Variants in ANKRD46 observed in about 807,000 individuals in gnomAD.
ANKRD46 encodes ankyrin repeat domain 46, also known as ankyrin repeat domain-containing protein 46.
ANKRD46 carries 13 observed loss-of-function variants against 19.8 expected under a neutral mutation model. The ratio of observed to expected loss-of-function variants is 0.66; its 90% CI spans 0.43 to 1.04. ANKRD46 has a LOEUF of 1.04. Among genes scored for constraint, ANKRD46 ranks in the 50% least tolerant of loss-of-function variants. The pLI, the probability that ANKRD46 is intolerant of heterozygous loss-of-function variation, is 0.00. For synonymous variants in ANKRD46, 91 were observed against 106.9 expected (o/e 0.85, Z 0.92); for missense variants, 185 against 274.8 (o/e 0.67, Z 2.31).
Position 100,557,862 on chromosome 8 carries a change from C to T in ANKRD46, c.-131+1849G>A, listed in dbSNP as rs1252783436. Among the ~76,000 whole-genome samples the T allele has an allele frequency of 6.6e-6, 1 of 152,198 alleles. No homozygotes were observed. Among genetic ancestry groups the T allele is most frequent in the Non-Finnish European group, 1.5e-5 (1 of 68,040 alleles). On this transcript the variant is annotated intron_variant, in intron 1 of 4. Coordinates refer to ENST00000335659, the MANE Select transcript of ANKRD46 (RefSeq NM_001270377.2). The surrounding 1 kb of genome is among the most constrained non-coding windows in gnomAD (Gnocchi z 5.9). ...TATTTTAAAACTGCACCTGTTCCTT[C>T]CTTGGTGCTTCCTATCCCCCTTTGC...
rs1050834630 is a variant in ANKRD46, at chr8:100,545,944, G to A, written c.-130-12633C>T. ...CTTTGAACTTGAGAGAGATGATTTAGGGTATCTGGCAGAAGAAATTTCTAA... is the reference window on the plus strand; with the variant it reads ...CTTTGAACTTGAGAGAGATGATTTAAGGTATCTGGCAGAAGAAATTTCTAA... On this transcript the variant is annotated intron_variant, in intron 1 of 4. Transcript: ENST00000335659. The surrounding 1 kb of genome is among the most constrained non-coding windows in gnomAD (Gnocchi z 4.7). Among the ~76,000 whole-genome samples the A allele has an allele frequency of 2.0e-5, 3 of 152,188 alleles. No homozygotes were observed. The highest frequency in any genetic ancestry group is 4.4e-5 in the Non-Finnish European group (3 of 68,036).
chr8:100,514,621 T>TTTTTTG (rs1554688099), intron 5 of ANKRD46, among the ~76,000 whole-genome samples: 2 of 120,072 alleles, frequency 1.7e-5, no homozygotes, highest in African/African-American at 7.1e-5. Flanking sequence ...CATCTTCTTT[T>TTTTTTG]TTTTTTTTTT....
At chr8:100,517,468 TAAGCTTTTAATGAGTGTTGGGTAGC>T (rs1811652444), downstream of ANKRD46, among the ~76,000 whole-genome samples, 1 of 152,240 alleles carries the variant, frequency 6.6e-6, no homozygotes, top group South Asian at 2.1e-4. Context: ...TGTTATCAGC[TAAGCTTTTAATGAGTGTTGGGTAGC>T]AAGGAACTCC....
Position 100,532,642 on chromosome 8 carries a change from T to C in ANKRD46, c.-28+567A>G, listed in dbSNP as rs909472077. Among the ~76,000 whole-genome samples, 3 of 152,184 alleles carry C rather than the reference T, an allele frequency of 2.0e-5. No individual in the cohort carries two copies. The highest frequency in any genetic ancestry group is 1.3e-4 in the Admixed American group (2 of 15,276). ...CTGGGTCACAATGGAAGAAGAATTG[T>C]CTTGGGCTACACATAAAATACATAA... On this transcript the variant is annotated intron_variant, in intron 2 of 4. Coordinates refer to ENST00000335659, the MANE Select transcript of ANKRD46 (RefSeq NM_001270377.2). The surrounding 1 kb of genome is among the most constrained non-coding windows in gnomAD (Gnocchi z 4.7).
rs1209653616 is a variant in ANKRD46, at chr8:100,521,612, C to A, written c.*943G>T. The A allele has an allele frequency of 1.0e-6, 1 of 985,314 alleles. No homozygotes were observed. Among genetic ancestry groups the A allele is most frequent in the Non-Finnish European group, 1.2e-6 (1 of 829,934 alleles). The allele number at this position is 985,314 out of a possible 1,614,324, so 61.0% of individuals were successfully genotyped here. A position where few individuals can be genotyped will look rare whatever the true frequency, so the allele number is the denominator to read the frequency against. Reference sequence around the variant, plus strand: ...AGATATGGATGGGATTGTTAAAAGTCTAACAGGGCCTCCAAATAGGATTGC... The same window carrying A: ...AGATATGGATGGGATTGTTAAAAGTATAACAGGGCCTCCAAATAGGATTGC... On this transcript the variant is annotated 3_prime_UTR_variant, in exon 5 of 5. Coordinates refer to ENST00000335659, the MANE Select transcript of ANKRD46 (RefSeq NM_001270377.2).
intron 1 of ANKRD46, chr8:100,551,054 C>T (rs759297200): frequency 5.9e-5 from 30 of 509,924 alleles, no homozygotes; most frequent in Admixed American, 1.3e-4. Context: ...CTGTTCAGCT[C>T]GGGGATGGCC....
Position 100,536,091 on chromosome 8 carries a change from T to G in ANKRD46, c.-130-2780A>C, listed in dbSNP as rs1812060208. 6.6e-6 allele frequency among the ~76,000 whole-genome samples: 1 copy of G among 152,090 alleles called. No individual in the cohort carries two copies. Among genetic ancestry groups the G allele is most frequent in the Non-Finnish European group, 1.5e-5 (1 of 68,008 alleles). On this transcript the variant is annotated intron_variant, in intron 1 of 4. Coordinates refer to ENST00000335659, the MANE Select transcript of ANKRD46 (RefSeq NM_001270377.2). The surrounding 1 kb of genome is among the most constrained non-coding windows in gnomAD (Gnocchi z 4.9). Reference sequence around the variant, plus strand: ...AAGCATTTGCAAGGGCACAGGTGGATGTACTGGCATTTACCAAAGGGAGTG... The same window carrying G: ...AAGCATTTGCAAGGGCACAGGTGGAGGTACTGGCATTTACCAAAGGGAGTG...
Position 100,520,861 on chromosome 8 carries a change from C to A in ANKRD46, c.*1694G>T, listed in dbSNP as rs62515182. ...CAAAGAAATCAGCACATAAAAGGAA[C>A]CATTAATCTTTAAAAATGCTATATA... On this transcript the variant is annotated 3_prime_UTR_variant, in exon 5 of 5. Transcript: ENST00000335659. 7 of 983,872 alleles carry A rather than the reference C, an allele frequency of 7.1e-6. No individual in the cohort carries two copies. The highest frequency in any genetic ancestry group is 5.3e-5 in the African/African-American group (3 of 56,916). The allele number at this position is 983,872 out of a possible 1,614,324, so 60.9% of individuals were successfully genotyped here. A position where few individuals can be genotyped will look rare whatever the true frequency, so the allele number is the denominator to read the frequency against.
Position 100,534,341 on chromosome 8 carries a change from C to T in ANKRD46, c.-130-1030G>A, listed in dbSNP as rs1303726406. On this transcript the variant is annotated intron_variant, in intron 1 of 4. Transcript: ENST00000335659. The surrounding 1 kb of genome is among the most constrained non-coding windows in gnomAD (Gnocchi z 4.2). ...AAACTGTACCTGAGGACCAGTCCCA[C>T]ACGAGGGTCAGTAAATATCACGAAG... 6.6e-6 allele frequency among the ~76,000 whole-genome samples: 1 copy of T among 152,242 alleles called. No homozygotes were observed. The highest frequency in any genetic ancestry group is 1.9e-4 in the East Asian group (1 of 5,206).
chr8:100,510,205 G>A lies in ANKRD46; in HGVS notation c.*372C>T. 4.8e-6 allele frequency: 1 copy of A among 207,156 alleles called. No individual in the cohort carries two copies. 12.8% of individuals were successfully genotyped at this position (207,156 alleles called of 1,614,324 possible). A position where few individuals can be genotyped will look rare whatever the true frequency, so the allele number is the denominator to read the frequency against. On this transcript the variant is annotated 3_prime_UTR_variant, in exon 6 of 6. Coordinates refer to the ANKRD46 transcript ENST00000520552. The surrounding 1 kb of genome is among the most constrained non-coding windows in gnomAD (Gnocchi z 4.9). ...ACAGTCCATGGAGACAAACAAAACA[G>A]CATGACATCACCCGCCTGGGAGTTG...
In ANKRD46 at chr8:100,557,500, C is replaced by G. The variant is rs1812525294; in HGVS notation, c.-131+2211G>C. Among the ~76,000 whole-genome samples, 2 of 151,410 alleles carry G rather than the reference C, an allele frequency of 1.3e-5. No individual in the cohort carries two copies. The highest frequency in any genetic ancestry group is 1.3e-4 in the Admixed American group (2 of 15,262). On this transcript the variant is annotated intron_variant, in intron 1 of 4. Transcript: ENST00000335659. This position sits in a 1 kb window ranked among gnomAD's most constrained non-coding sequence, Gnocchi z 5.9. ...CTGCTTCCATCCTTGCCCTTACAGT[C>G]AACACTGAACACAGCAGCCAGAGTG... is the stretch of plus-strand genomic sequence containing the variant.
At chr8:100,533,740 A>T (rs1812009162) in intron 1 of ANKRD46, among the ~76,000 whole-genome samples, 1 of 152,236 alleles carries the variant, frequency 6.6e-6, no homozygotes, top group Non-Finnish European at 1.5e-5. Context: ...AAATAAGTTT[A>T]AAAAGCCAAT....
chr8:100,528,789 G>C (rs951556628), intron 3 of ANKRD46, among the ~76,000 whole-genome samples: 5 of 152,088 alleles, frequency 3.3e-5, no homozygotes, highest in African/African-American at 1.2e-4. Flanking sequence ...AGCATTTACT[G>C]TCTTATTCAG....
rs777139220 is a variant in ANKRD46, at chr8:100,524,709, T to C, written c.471-1938A>G. ...CTTAGTTTGACCTATGTAAAATTTA[T>C]TGATTACGAGTTGACATGCCCTTAT... On this transcript the variant is annotated intron_variant, in intron 4 of 4. Coordinates refer to ENST00000335659, the MANE Select transcript of ANKRD46 (RefSeq NM_001270377.2). The surrounding 1 kb of genome is among the most constrained non-coding windows in gnomAD (Gnocchi z 4.3). Among the ~76,000 whole-genome samples the C allele has an allele frequency of 2.0e-4, 31 of 152,148 alleles. No individual in the cohort carries two copies. The highest frequency in any genetic ancestry group is 2.9e-4 in the Non-Finnish European group (20 of 68,020).
Position 100,550,581 on chromosome 8 carries a change from A to G in ANKRD46, c.-131+9130T>C, listed in dbSNP as rs574237156. On this transcript the variant is annotated intron_variant, in intron 1 of 4. Coordinates refer to ENST00000335659, the MANE Select transcript of ANKRD46 (RefSeq NM_001270377.2). The surrounding 1 kb of genome is among the most constrained non-coding windows in gnomAD (Gnocchi z 4.4). ...TTATTGATGGTACACGACAAGATAG[A>G]GCTCTTTGTGGGGTCTGCATGGAAA... is the stretch of plus-strand genomic sequence containing the variant. The G allele has an allele frequency of 8.7e-4, 157 of 180,292 alleles. No homozygotes were observed. Among genetic ancestry groups the G allele is most frequent in the Non-Finnish European group, 1.4e-3 (128 of 88,946 alleles). The allele number at this position is 180,292 out of a possible 1,614,324, so 11.2% of individuals were successfully genotyped here. A position where few individuals can be genotyped will look rare whatever the true frequency, so the allele number is the denominator to read the frequency against.
rs73696794 is a variant in ANKRD46, at chr8:100,524,481, G to A, written c.471-1710C>T. Among the ~76,000 whole-genome samples, 2,288 of 149,748 alleles carry A rather than the reference G, an allele frequency of 0.015. 50 individuals are homozygous for A. Among genetic ancestry groups the A allele is most frequent in the African/African-American group, 0.052 (2,108 of 40,420 alleles). ...TCATGGGAAACTGACTTCCTAATGG[G>A]CCAGTCTGCTTAACACCCAAACTTT... On this transcript the variant is annotated intron_variant, in intron 4 of 4. Coordinates refer to ENST00000335659, the MANE Select transcript of ANKRD46 (RefSeq NM_001270377.2). This position sits in a 1 kb window ranked among gnomAD's most constrained non-coding sequence, Gnocchi z 4.3.
At chr8:100,535,443 G>C (rs931780159) in intron 1 of ANKRD46, among the ~76,000 whole-genome samples, 2 of 152,134 alleles carry the variant, frequency 1.3e-5, no homozygotes, top group African/African-American at 4.8e-5. Flanking sequence ...CCAAACTATA[G>C]TACAACATCA....
intron 1 of ANKRD46, among the ~76,000 whole-genome samples, chr8:100,553,023 G>C (rs764900906): frequency 6.6e-6 from 1 of 152,232 alleles, no homozygotes; most frequent in Non-Finnish European, 1.5e-5. Context: ...AAAGGGTGAA[G>C]TGCACTGATA....
At chr8:100,549,660 C>T (rs1293071098) in intron 1 of ANKRD46, among the ~76,000 whole-genome samples, 2 of 152,160 alleles carry the variant, frequency 1.3e-5, no homozygotes, top group African/African-American at 4.8e-5. Context: ...CCAGAGGGTA[C>T]CTCTGTTATA....
Sources: allele counts gnomAD v4.1 joint callset (sites outside exome capture counted in the v4.1 genomes callset), GRCh38; gene constraint gnomAD v4.1.1; non-coding constraint Gnocchi (gnomAD v3.1); transcripts MANE v1.5; gene names NCBI Gene and HGNC (gene_info 2026-07-23, HGNC 2026-07-21).